The following SOX5 variants were observed in gnomAD, a reference collection of about 807,000 sequenced individuals.
SOX5 encodes the protein transcription factor SOX-5.
A neutral mutation model predicts 92.0 loss-of-function variants in SOX5; 9 were observed. That is an observed-to-expected ratio of 0.10 (90% confidence interval 0.06 to 0.17). The LOEUF is 0.17. Among genes scored for constraint, SOX5 ranks in the 10% least tolerant of loss-of-function variants. The pLI is 1.00. For synonymous variants in SOX5, 344 were observed against 336.3 expected (o/e 1.02, Z -0.25); for missense variants, 642 against 944.5 (o/e 0.68, Z 4.20).
At chr12:23,993,362 A>G (rs1036298810) in intron 4 of SOX5, among the ~76,000 whole-genome samples, 2 of 152,192 alleles carry the variant, frequency 1.3e-5, no homozygotes, top group Non-Finnish European at 2.9e-5. Context: ...AAAAAACTAG[A>G]CATTTTGGTA....
chr12:24,186,731 AAT>A (rs746528707), intron 4 of SOX5, among the ~76,000 whole-genome samples: 4 of 152,212 alleles, frequency 2.6e-5, no homozygotes, highest in South Asian at 4.1e-4. Flanking sequence ...TTCTATTAAA[AAT>A]ATGTTATTAA....
chr12:24,474,640 A>G (rs994477714), intron 1 of SOX5, among the ~76,000 whole-genome samples: 1 of 151,638 alleles, frequency 6.6e-6, no homozygotes, highest in Non-Finnish European at 1.5e-5. Context: ...GGTTCAAGCG[A>G]TTCTCCTGCC....
chr12:23,943,775 G>A (rs1944080830), intron 1 of SOX5, among the ~76,000 whole-genome samples: 1 of 152,062 alleles, frequency 6.6e-6, no homozygotes, highest in Admixed American at 6.6e-5. Flanking sequence ...GATTTCAAAT[G>A]TCTATGAACA....
chr12:23,847,669 G>C (rs2096589722), intron 2 of SOX5, among the ~76,000 whole-genome samples: 1 of 149,716 alleles, frequency 6.7e-6, no homozygotes. Context: ...ATGTGGGGAA[G>C]GCGAAAAAAA....
chr12:23,970,226 ACTT>A (rs1387831942), intron 4 of SOX5, among the ~76,000 whole-genome samples: 1 of 112,952 alleles, frequency 8.9e-6, no homozygotes, highest in African/African-American at 4.2e-5. Flanking sequence ...CTTTCAGCTG[ACTT>A]CTTTTTTTTT....
chr12:23,835,399 G>A (rs1463303983), intron 3 of SOX5, among the ~76,000 whole-genome samples: 1 of 151,616 alleles, frequency 6.6e-6, no homozygotes, highest in Non-Finnish European at 1.5e-5. Flanking sequence ...TCTCTGTCTT[G>A]GTCTCTCTCT....
chr12:23,887,925 G>GTGTGTGTGTGTGTGTGTC (rs2097088539), intron 2 of SOX5, among the ~76,000 whole-genome samples: 1 of 151,110 alleles, frequency 6.6e-6, no homozygotes, highest in Admixed American at 6.6e-5. Flanking sequence ...ATATGTGTGT[G>GTGTGTGTGTGTGTGTGTC]TGTGTGTGTG....
chr12:24,240,052 A>T (rs960213195), intron 3 of SOX5, among the ~76,000 whole-genome samples: 1 of 152,206 alleles, frequency 6.6e-6, no homozygotes, highest in Non-Finnish European at 1.5e-5. Flanking sequence ...GAGATCCTTA[A>T]ATGTGACATA....
intron 6 of SOX5, among the ~76,000 whole-genome samples, chr12:23,725,598 G>A (rs991629939): frequency 2.0e-5 from 3 of 152,250 alleles, no homozygotes; most frequent in African/African-American, 4.8e-5. Flanking sequence ...AAATGGAACT[G>A]GGGTTTCTGA....
intron 3 of SOX5, among the ~76,000 whole-genome samples, chr12:23,771,876 CT>C (rs2094946379): frequency 6.6e-6 from 1 of 152,194 alleles, no homozygotes; most frequent in South Asian, 2.1e-4. Context: ...TACAAAGAGG[CT>C]GCTTTAACCC....
At chr12:24,364,576 A>G (rs1955976363) in intron 2 of SOX5, among the ~76,000 whole-genome samples, 1 of 143,160 alleles carries the variant, frequency 7.0e-6, no homozygotes, top group African/African-American at 2.6e-5. Flanking sequence ...TTCTTTACAT[A>G]AGTGAGAAAT....
rs143295501 is a variant in SOX5 at position 23,545,211 on chromosome 12, C to T, written c.1597+1105G>A. Among the ~76,000 whole-genome samples the T allele has an allele frequency of 9.1e-3, 1,386 of 152,200 alleles. 23 individuals are homozygous for T. The highest frequency in any genetic ancestry group is 0.031 in the African/African-American group (1,298 of 41,526). ...TGTATATTGGAGGATTCAAGGGGACCCCCTCTCAAAGTATGCATCTCACTG... is the reference window on the plus strand; with the variant it reads ...TGTATATTGGAGGATTCAAGGGGACTCCCTCTCAAAGTATGCATCTCACTG... On this transcript the variant is annotated intron_variant, in intron 12 of 14. Transcript: ENST00000451604.
At chr12:23,825,997 A>C (rs1176343609) in intron 3 of SOX5, among the ~76,000 whole-genome samples, 2 of 151,916 alleles carry the variant, frequency 1.3e-5, no homozygotes, top group Non-Finnish European at 2.9e-5. Context: ...AACAATTTCA[A>C]CTTATCTTGA....
intron 1 of SOX5, among the ~76,000 whole-genome samples, chr12:23,940,934 C>T (rs1943518135): frequency 6.6e-6 from 1 of 151,316 alleles, no homozygotes; most frequent in African/African-American, 2.4e-5. Flanking sequence ...AAATATGCAC[C>T]ACAATACCAC....
At chr12:23,654,148 A>G (rs117929311) in intron 7 of SOX5, among the ~76,000 whole-genome samples, 1 of 152,254 alleles carries the variant, frequency 6.6e-6, no homozygotes, top group Non-Finnish European at 1.5e-5. Context: ...GTTGAAAGGA[A>G]GAACAGATAA....
chr12:24,431,315 TTC>T (rs1938269127), intron 1 of SOX5, among the ~76,000 whole-genome samples: 1 of 152,180 alleles, frequency 6.6e-6, no homozygotes, highest in East Asian at 1.9e-4. Context: ...TGAGAGGCAA[TTC>T]TATTACAACT....
intron 4 of SOX5, among the ~76,000 whole-genome samples, chr12:24,172,543 AAAAAG>A (rs1262074808): frequency 1.3e-5 from 2 of 152,160 alleles, no homozygotes; most frequent in African/African-American, 2.4e-5. Flanking sequence ...TGTCTTAAGA[AAAAAG>A]AAAAGAAAAG....
chr12:23,880,061 G>A (rs1187172848), intron 2 of SOX5, among the ~76,000 whole-genome samples: 1 of 152,164 alleles, frequency 6.6e-6, no homozygotes. Context: ...ATGCACCACA[G>A]CAGTACCCTA....
chr12:23,920,652 G>T (rs1170450121), intron 1 of SOX5: 1 of 152,100 alleles, frequency 6.6e-6, no homozygotes, highest in Non-Finnish European at 1.5e-5. Context: ...TTTATCCATG[G>T]ACCTACTCCT....
Sources: gnomAD v4.1 joint callset for allele counts (sites outside exome capture counted in the v4.1 genomes callset) on GRCh38, gnomAD v4.1.1 for gene constraint, MANE v1.5 for transcripts, NCBI Gene and HGNC (gene_info 2026-07-23, HGNC 2026-07-21) for gene names.